Variants in SORBS3 observed in about 807,000 individuals in gnomAD.
SORBS3 encodes sorbin and SH3 domain containing 3, also known as vinexin.
A neutral mutation model predicts 98.0 loss-of-function variants in SORBS3; 69 were observed. The observed-to-expected ratio is 0.70, with a 90% confidence interval of 0.58 to 0.86. The LOEUF is 0.86. SORBS3 is among the 40% of genes least tolerant of loss of function. The probability of loss-of-function intolerance (pLI) is 0.00; values close to 1 mark genes in which losing one functional copy is unlikely to be tolerated. For missense variants in SORBS3, 954 were observed against 908.5 expected, an observed-to-expected ratio of 1.05 and a Z score of -0.64; for synonymous variants, 394 against 355.4, an observed-to-expected ratio of 1.11 and a Z score of -1.22.
intron 10 of SORBS3, 111 bp from the exon 11 acceptor site, chr8:22,565,157 C>T: frequency 6.8e-7 from 1 of 1,480,658 alleles, no homozygotes. Context: ...TGAGGCCTGC[C>T]CTTACGCCGG....
rs562243228 is a variant in SORBS3 at position 22,554,984 on chromosome 8, G to A, written c.220+4G>A. On this transcript the variant is annotated splice_donor_region_variant and intron_variant, in intron 3 of 20. Coordinates refer to ENST00000240123, the MANE Select transcript of SORBS3 (RefSeq NM_005775.5). The surrounding 1 kb of genome is among the most constrained non-coding windows in gnomAD (Gnocchi z 6.5). ...CGAGATGCTTCCCAGCACCCGGGTA[G>A]GTCTGCTCAGGAGCCTCATGCTGGA... The A allele has an allele frequency of 4.3e-6, 7 of 1,610,664 alleles. No homozygotes were observed. In the South Asian group the frequency reaches 7.7e-5, roughly 18 times the overall value.
intron 12 of SORBS3, 62 bp downstream of exon 12, chr8:22,565,934 C>A (rs1366863671): frequency 8.9e-7 from 1 of 1,123,160 alleles, no homozygotes; most frequent in Non-Finnish European, 1.1e-6. Context: ...GGGAACGTGG[C>A]GCGGCCGGGC....
In SORBS3 at chr8:22,574,148, C is replaced by G. The variant is rs148695408; in HGVS notation, c.1955-519C>G. On this transcript the variant is annotated intron_variant, in intron 20 of 20. Coordinates refer to ENST00000240123, the MANE Select transcript of SORBS3 (RefSeq NM_005775.5). ...GGGGAAGCATCGGGTGCCAGGCCCCCCAGATGCTTTGCCCGCTGGGGTTCC... is the reference window on the plus strand; with the variant it reads ...GGGGAAGCATCGGGTGCCAGGCCCCGCAGATGCTTTGCCCGCTGGGGTTCC... 1.4e-3 allele frequency among the ~76,000 whole-genome samples: 220 copies of G among 151,914 alleles called. 4 individuals carry two copies. The East Asian group carries it at 0.037, about 26-fold the overall frequency.
intron 13 of SORBS3, 69 bp downstream of exon 13, chr8:22,566,553 G>C (rs543571916): frequency 6.3e-7 from 1 of 1,589,406 alleles, no homozygotes; most frequent in East Asian, 2.2e-5. Context: ...TGCCCCAGGG[G>C]TGGCAGGTCA....
In SORBS3 at chr8:22,566,645, T is replaced by C. The variant is rs777380929; in HGVS notation, c.1091-16T>C. 5.6e-6 allele frequency: 9 copies of C among 1,595,122 alleles called. No individual in the cohort carries two copies. Among genetic ancestry groups the C allele is most frequent in the South Asian group, 3.4e-5 (3 of 89,212 alleles). ...CAGGTATGGCCTCCCCAAGCTGAGGTTGTGCTTCTCCACAGACCCTAGTGC... is the reference window on the plus strand; with the variant it reads ...CAGGTATGGCCTCCCCAAGCTGAGGCTGTGCTTCTCCACAGACCCTAGTGC... On this transcript the variant is annotated splice_polypyrimidine_tract_variant and intron_variant, in intron 13 of 20. Coordinates refer to ENST00000240123, the MANE Select transcript of SORBS3 (RefSeq NM_005775.5).
chr8:22,564,004 C>A lies in SORBS3; in HGVS notation c.602C>A (p.Ser201Tyr). 3 of 1,613,912 alleles carry A rather than the reference C, an allele frequency of 1.9e-6. No individual in the cohort carries two copies. Among genetic ancestry groups the A allele is most frequent in the Non-Finnish European group, 2.5e-6 (3 of 1,179,912 alleles). The change falls in exon 8 of 21, where the codon TCT (serine) becomes TAT (tyrosine). Residue 201 changes from serine to tyrosine, a missense_variant. Physicochemically the swap from Ser to Tyr is moderately radical, Grantham distance 144. Transcript: ENST00000240123. ...TSSSGRSWDH[S>Y]EELPRSTFNY... ...TTCTTTAGAAGAAGCTGGGACCACT[C>A]TGAAGAGTTACCTAGAAGCACCTTC...
In SORBS3 at chr8:22,554,374, C is replaced by G; in HGVS notation, c.-55-78C>G. On this transcript the variant is annotated intron_variant, in intron 1 of 20. Coordinates refer to ENST00000240123, the MANE Select transcript of SORBS3 (RefSeq NM_005775.5). The surrounding 1 kb of genome is among the most constrained non-coding windows in gnomAD (Gnocchi z 6.5). The stretch of plus-strand genomic sequence containing the variant: ...CCCTCCCACAGCCGGCCCCTCCTCC[C>G]CTATCCCAGGGTCGAGCCAAGAGGG... 1 of 1,417,202 alleles carries G rather than the reference C, an allele frequency of 7.1e-7. No homozygotes were observed. The highest frequency in any genetic ancestry group is 2.5e-5 in the East Asian group (1 of 40,006). 87.8% of individuals were successfully genotyped at this position (1,417,202 alleles called of 1,614,324 possible). A position where few individuals can be genotyped will look rare whatever the true frequency, so the allele number is the denominator to read the frequency against.
chr8:22,559,884 T>C (rs1413808584), intron 5 of SORBS3, among the ~76,000 whole-genome samples: 1 of 151,852 alleles, frequency 6.6e-6, no homozygotes, highest in Non-Finnish European at 1.5e-5. Context: ...CTGGCCAACA[T>C]GGCGAAACCC....
intron 11 of SORBS3, 108 bp from the exon 12 acceptor site, chr8:22,565,718 C>T: frequency 8.1e-7 from 1 of 1,235,690 alleles, no homozygotes; most frequent in Non-Finnish European, 1.0e-6. Flanking sequence ...CCCCGCGTCC[C>T]GCCCGCTCTC....
At position 22,569,927 on chromosome 8, in the gene SORBS3, T is replaced by G. The variant is rs548666876; in HGVS notation, c.1431+654T>G. On this transcript the variant is annotated intron_variant, in intron 17 of 20. Coordinates refer to ENST00000240123, the MANE Select transcript of SORBS3 (RefSeq NM_005775.5). ...AACTGCAGGTTGCAGGGGATCATAC[T>G]CAGCATTTTTAAAGGTATAGACAGA... is the stretch of plus-strand genomic sequence containing the variant. Among the ~76,000 whole-genome samples, 3 of 152,322 alleles carry G rather than the reference T, an allele frequency of 2.0e-5. No individual in the cohort carries two copies. The East Asian group carries it at 5.8e-4, about 29-fold the overall frequency.
In SORBS3 at chr8:22,568,270, C is replaced by T. The variant is rs557303378; in HGVS notation, c.1306-878C>T. ...CATGTTTTTCTCTCGTTTTTGTTTT[C>T]GATTTCATTGAGTTCTGCTTCTTAT... On this transcript the variant is annotated intron_variant, in intron 16 of 20. Transcript: ENST00000240123. 1.5e-3 allele frequency among the ~76,000 whole-genome samples: 235 copies of T among 152,162 alleles called. 1 individual carries two copies. The highest frequency in any genetic ancestry group is 5.5e-3 in the African/African-American group (227 of 41,494).
intron 18 of SORBS3, 33 bp downstream of exon 18, chr8:22,571,254 C>A: frequency 1.5e-6 from 2 of 1,331,350 alleles, no homozygotes; most frequent in Non-Finnish European, 2.1e-6. Context: ...GAGAGTCGAC[C>A]TCCTCCTCAC....
At chr8:22,566,767 T>C (rs1840434548) in intron 14 of SORBS3, 54 bp downstream of exon 14, 1 of 1,613,396 alleles carries the variant, frequency 6.2e-7, no homozygotes, top group African/African-American at 1.3e-5. Flanking sequence ...GCTGCCATCC[T>C]GGATCTGCCA....
chr8:22,562,414 T>C (rs1375230893), intron 7 of SORBS3, among the ~76,000 whole-genome samples: 1 of 152,170 alleles, frequency 6.6e-6, no homozygotes, highest in Non-Finnish European at 1.5e-5. Context: ...AAGGATGACA[T>C]TCCTTTCCTC....
rs1358516501 is a variant in SORBS3 at position 22,565,847 on chromosome 8, GC to G, written c.929del (p.Pro310ArgfsTer29). The G allele has an allele frequency of 7.8e-7, 1 of 1,289,504 alleles. No homozygotes were observed. The highest frequency in any genetic ancestry group is 9.8e-7 in the Non-Finnish European group (1 of 1,016,808). The allele number at this position is 1,289,504 out of a possible 1,614,324, so 79.9% of individuals were successfully genotyped here. A position where few individuals can be genotyped will look rare whatever the true frequency, so the allele number is the denominator to read the frequency against. On this transcript the variant is annotated frameshift_variant, in exon 12 of 21. Coordinates refer to ENST00000240123, the MANE Select transcript of SORBS3 (RefSeq NM_005775.5). LOFTEE classifies it high-confidence loss of function. ...SPKSSPAPRR[A>X]PEQRPPAGPA... ...GCAGAGCTCGCCGGCGCCCCGACGG[GC>G]CCCGGAGCAGCGGCCCCCGGCCGGG...
intron 12 of SORBS3, chr8:22,566,133 G>T: frequency 1.5e-6 from 1 of 667,202 alleles, no homozygotes; most frequent in Non-Finnish European, 2.2e-6. Flanking sequence ...CCCCGCCACG[G>T]CCCAGGCACT....
chr8:22,561,827 C>T (rs377201244), intron 6 of SORBS3, 38 bp from the exon 7 acceptor site: 7 of 1,590,584 alleles, frequency 4.4e-6, no homozygotes, highest in Non-Finnish European at 5.2e-6. Flanking sequence ...CCTGTCTCCT[C>T]CCACCTTCAA....
chr8:22,574,967 A>C lies in SORBS3; in HGVS notation c.*239A>C. The C allele has an allele frequency of 3.0e-6, 2 of 660,078 alleles. No homozygotes were observed. Among genetic ancestry groups the C allele is most frequent in the East Asian group, 6.0e-5 (2 of 33,452 alleles). 40.9% of individuals were successfully genotyped at this position (660,078 alleles called of 1,614,324 possible). ...CATTTCCTCCCCACCCCACTCCCCA[A>C]ATACAGAGGTCTGCTTTGAAGCGGA... On this transcript the variant is annotated 3_prime_UTR_variant, in exon 21 of 21. Transcript: ENST00000240123.
At chr8:22,566,140 C>T in intron 12 of SORBS3, 2 of 686,490 alleles carry the variant, frequency 2.9e-6, no homozygotes, top group Non-Finnish European at 4.3e-6. Flanking sequence ...ACGGCCCAGG[C>T]ACTCCCGCTG....
Sources: allele counts gnomAD v4.1 joint callset (sites outside exome capture counted in the v4.1 genomes callset), GRCh38; gene constraint gnomAD v4.1.1; non-coding constraint Gnocchi (gnomAD v3.1); transcripts MANE v1.5; gene names NCBI Gene and HGNC (gene_info 2026-07-23, HGNC 2026-07-21).